NTPCR: variants seen among roughly 807,000 people sequenced by gnomAD.
NTPCR encodes cancer-related nucleoside-triphosphatase.
A neutral mutation model predicts 19.5 loss-of-function variants in NTPCR; 15 were observed. The observed-to-expected ratio is 0.77, with a 90% CI of 0.51 to 1.18. NTPCR has a LOEUF of 1.18. Among genes scored for constraint, NTPCR ranks in the 50% most tolerant of loss-of-function variants. The probability of loss-of-function intolerance (pLI) is 0.00; values close to 1 mark genes in which losing one functional copy is unlikely to be tolerated. For synonymous variants in NTPCR, 90 were observed against 95.8 expected, an observed-to-expected ratio of 0.94 and a Z score of 0.36; for missense variants, 206 against 240.4, an observed-to-expected ratio of 0.86 and a Z score of 0.95.
At chr1:232,974,738 TAGAG>T (rs1669079515) in intron 4 of NTPCR, among the ~76,000 whole-genome samples, 1 of 152,120 alleles carries the variant, frequency 6.6e-6, no homozygotes, top group African/African-American at 2.4e-5. Context: ...CAGTGAACAA[TAGAG>T]AGGGAGAACC....
In NTPCR at chr1:232,979,505, G is replaced by C. The variant is rs1382234282; in HGVS notation, c.*1274G>C. 1 of 152,426 alleles carries C rather than the reference G, an allele frequency of 6.6e-6. No homozygotes were observed. The highest frequency in any genetic ancestry group is 2.4e-5 in the African/African-American group (1 of 41,452). The allele number at this position is 152,426 out of a possible 1,614,324, so 9.4% of individuals were successfully genotyped here. On this transcript the variant is annotated 3_prime_UTR_variant, in exon 5 of 5. Transcript: ENST00000366628. The surrounding 1 kb of genome is among the most constrained non-coding windows in gnomAD (Gnocchi z 5.3). ...CTTTCCTCAGCGCTTTTCTTCCGAG[G>C]TAACTTTGTGAAGCTTGACTTGGAC...
At chr1:232,970,643 T>C (rs1340821685) in intron 4 of NTPCR, among the ~76,000 whole-genome samples, 1 of 152,230 alleles carries the variant, frequency 6.6e-6, no homozygotes, top group Non-Finnish European at 1.5e-5. Flanking sequence ...TCTGCATTGC[T>C]CAGAACAGTA....
At position 232,978,227 on chromosome 1, in the gene NTPCR, A is replaced by G; in HGVS notation, c.569A>G (p.Lys190Arg). 1 of 1,614,038 alleles carries G rather than the reference A, an allele frequency of 6.2e-7. No homozygotes were observed. The highest frequency in any genetic ancestry group is 8.5e-7 in the Non-Finnish European group (1 of 1,179,920). ...GTGACGTGCGTGCAGAGCAGCAGGA[A>G]GTGAAGACACGTGCATTCCTGCCTT... is the stretch of plus-strand genomic sequence containing the variant. ...DIVTCVQSSR[K>R] The change falls in exon 5 of 5, where the codon AAG becomes AGG. Residue 190 changes from lysine to arginine, a missense_variant. Coordinates refer to ENST00000366628, the MANE Select transcript of NTPCR (RefSeq NM_032324.3).
At chr1:232,975,214 C>T (rs1296106745) in intron 4 of NTPCR, among the ~76,000 whole-genome samples, 1 of 152,212 alleles carries the variant, frequency 6.6e-6, no homozygotes, top group East Asian at 1.9e-4. Context: ...AGGCTGCTTG[C>T]ATGCTACCTC....
At chr1:232,975,262 A>G (rs1558135425) in intron 4 of NTPCR, among the ~76,000 whole-genome samples, 2 of 152,168 alleles carry the variant, frequency 1.3e-5, no homozygotes, top group African/African-American at 2.4e-5. Context: ...CAGTGTCTGT[A>G]TGCCCTGCTC....
intron 3 of NTPCR, 54 bp downstream of exon 3, chr1:232,956,497 A>G: frequency 8.1e-7 from 1 of 1,242,082 alleles, no homozygotes; most frequent in Non-Finnish European, 1.2e-6. Context: ...GTATTGTGGG[A>G]ATTGCTAGCC....
chr1:232,976,043 T>C (rs1303830819), intron 4 of NTPCR, among the ~76,000 whole-genome samples: 1 of 152,238 alleles, frequency 6.6e-6, no homozygotes, highest in Non-Finnish European at 1.5e-5. Context: ...CACATCAACA[T>C]TTTATTGCAT....
intron 3 of NTPCR, 85 bp from the exon 4 acceptor site, chr1:232,969,824 T>TCGG: frequency 9.0e-7 from 1 of 1,107,408 alleles, no homozygotes; most frequent in Non-Finnish European, 1.4e-6. Context: ...TTTTACCTCA[T>TCGG]TGGTGAGTGA....
At position 232,981,025 on chromosome 1, in the gene NTPCR, A is replaced by G. The variant is rs1230149741; in HGVS notation, c.*2794A>G. ...TTAACATGTATTGCTTATATGAAGA[A>G]TCTCAGCTAGAATAACAAGGTCGGA... is the stretch of plus-strand genomic sequence containing the variant. On this transcript the variant is annotated 3_prime_UTR_variant, in exon 5 of 5. Transcript: ENST00000366628. The G allele has an allele frequency of 1.3e-5, 2 of 152,256 alleles. No homozygotes were observed. Among genetic ancestry groups the G allele is most frequent in the Non-Finnish European group, 2.9e-5 (2 of 68,048 alleles). The allele number at this position is 152,256 out of a possible 1,614,324, so 9.4% of individuals were successfully genotyped here. A position where few individuals can be genotyped will look rare whatever the true frequency, so the allele number is the denominator to read the frequency against.
intron 4 of NTPCR, among the ~76,000 whole-genome samples, chr1:232,971,418 C>T (rs1477454635): frequency 1.3e-5 from 2 of 152,114 alleles, no homozygotes; most frequent in African/African-American, 2.4e-5. Context: ...CATGTTGCCA[C>T]CAAAGAATCC....
intron 1 of NTPCR, 125 bp from the exon 2 acceptor site, chr1:232,955,432 T>C (rs1014770403): frequency 2.2e-5 from 15 of 671,826 alleles, no homozygotes; most frequent in Admixed American, 3.8e-5. Flanking sequence ...CATAAATCCA[T>C]TTACAGCCCA....
intron 1 of NTPCR, among the ~76,000 whole-genome samples, chr1:232,951,849 G>A (rs906633039): frequency 6.6e-6 from 1 of 152,178 alleles, no homozygotes; most frequent in African/African-American, 2.4e-5. Flanking sequence ...GCAAAGAACT[G>A]TTTTCTGAAA....
Position 232,980,012 on chromosome 1 carries a change from T to C in NTPCR, c.*1781T>C, listed in dbSNP as rs1269677185. 1 of 152,300 alleles carries C rather than the reference T, an allele frequency of 6.6e-6. No individual in the cohort carries two copies. Among genetic ancestry groups the C allele is most frequent in the Non-Finnish European group, 1.5e-5 (1 of 68,072 alleles). The allele number at this position is 152,300 out of a possible 1,614,324, so 9.4% of individuals were successfully genotyped here. A position where few individuals can be genotyped will look rare whatever the true frequency, so the allele number is the denominator to read the frequency against. ...TTTGCGTTTCCGCCCTTCATGCATCTGAAACACCAAGGGCCATGTTCCTTC... is the reference window on the plus strand; with the variant it reads ...TTTGCGTTTCCGCCCTTCATGCATCCGAAACACCAAGGGCCATGTTCCTTC... On this transcript the variant is annotated 3_prime_UTR_variant, in exon 5 of 5. Transcript: ENST00000366628.
At chr1:232,960,891 A>G (rs1323427876) in intron 3 of NTPCR, among the ~76,000 whole-genome samples, 2 of 152,242 alleles carry the variant, frequency 1.3e-5, no homozygotes, top group Non-Finnish European at 2.9e-5. Context: ...AATGTAAAAT[A>G]AAAATAAAAA....
rs770603336 is a variant in NTPCR at position 232,956,475 on chromosome 1, TCTG to T, written c.294+35_294+37del. The T allele has an allele frequency of 4.9e-6, 7 of 1,435,496 alleles. No homozygotes were observed. In the South Asian group the frequency reaches 8.0e-5, roughly 16 times the overall value. 88.9% of individuals were successfully genotyped at this position (1,435,496 alleles called of 1,614,324 possible). ...ACGTGATTTCTGCTTTTTGAACCCA[TCTG>T]CTCTTAGTGTATTGTGGGAATTGCT... On this transcript the variant is annotated intron_variant, in intron 3 of 4. Transcript: ENST00000366628.
chr1:232,952,017 C>T (rs915482490), intron 1 of NTPCR, among the ~76,000 whole-genome samples: 2 of 152,148 alleles, frequency 1.3e-5, no homozygotes, highest in African/African-American at 2.4e-5. Flanking sequence ...CTTACCTACA[C>T]GTAGTTGAAA....
chr1:232,969,856 C>T (rs1668923582), intron 3 of NTPCR, 53 bp from the exon 4 acceptor site: 1 of 1,431,212 alleles, frequency 7.0e-7, no homozygotes, highest in South Asian at 1.1e-5. Context: ...GACCCATGGG[C>T]CCTTTGATTA....
intron 3 of NTPCR, among the ~76,000 whole-genome samples, chr1:232,958,751 A>C (rs1011140907): frequency 6.6e-6 from 1 of 152,172 alleles, no homozygotes; most frequent in African/African-American, 2.4e-5. Flanking sequence ...CGTCACATAC[A>C]TTCCTCTCTA....
chr1:232,963,471 A>G lies in NTPCR; in HGVS notation c.295-6438A>G, dbSNP rs1668721895. The G allele has an allele frequency of 2.0e-5, 3 of 152,194 alleles. No individual in the cohort carries two copies. The South Asian group carries it at 6.2e-4, about 31-fold the overall frequency. 9.4% of individuals were successfully genotyped at this position (152,194 alleles called of 1,614,324 possible). A position where few individuals can be genotyped will look rare whatever the true frequency, so the allele number is the denominator to read the frequency against. ...AGAAAAGTTGCATGCTCCTTAAGTC[A>G]CACGTCCCTTAAGCTGGACTGGGGT... On this transcript the variant is annotated intron_variant, in intron 3 of 4. Coordinates refer to ENST00000366628, the MANE Select transcript of NTPCR (RefSeq NM_032324.3).
Sources: gnomAD v4.1 joint callset for allele counts (sites outside exome capture counted in the v4.1 genomes callset) on GRCh38, gnomAD v4.1.1 for gene constraint, Gnocchi (gnomAD v3.1) non-coding constraint, MANE v1.5 for transcripts, NCBI Gene and HGNC (gene_info 2026-07-23, HGNC 2026-07-21) for gene names.